The following RELCH variants were observed in gnomAD, a reference collection of about 807,000 sequenced individuals.
RELCH encodes the protein RAB11-binding protein RELCH.
Under a neutral mutation model 150.3 loss-of-function variants are expected in RELCH, and 41 were observed. The observed-to-expected ratio is 0.27, with a 90% CI of 0.21 to 0.35. The LOEUF is 0.35. RELCH is among the 10% of genes least tolerant of loss of function. The pLI, the probability that RELCH is intolerant of heterozygous loss-of-function variation, is 1.00. For synonymous variants in RELCH, 478 were observed against 531.8 expected (o/e 0.90, Z 1.39); for missense variants, 1,092 against 1,467.8 (o/e 0.74, Z 4.18).
At chr18:62,208,373 AT>A (rs1209763110) in intron 1 of RELCH, among the ~76,000 whole-genome samples, 3 of 143,116 alleles carry the variant, frequency 2.1e-5, no homozygotes, top group Non-Finnish European at 3.1e-5. Context: ...AAAAAAAAAA[AT>A]TTAATTCTGA....
At chr18:62,258,366 C>A in intron 14 of RELCH, 146 bp from the exon 15 acceptor site, 1 of 730,902 alleles carries the variant, frequency 1.4e-6, no homozygotes, top group Non-Finnish European at 2.2e-6. Context: ...TCAGTGGATA[C>A]ATGGCAAGGC....
At chr18:62,249,216 C>T (rs1042033398) in intron 11 of RELCH, among the ~76,000 whole-genome samples, 1 of 152,072 alleles carries the variant, frequency 6.6e-6, no homozygotes, top group East Asian at 1.9e-4. Context: ...TAAGAATGAA[C>T]TATGAAAGAT....
At position 62,221,203 on chromosome 18, in the gene RELCH, T is replaced by C. The variant is rs370122226; in HGVS notation, c.689-16T>C. ...ATGTAAAATAGTAAAATAGTACTTA[T>C]GTTTTTTTCCACCAGAACATGAAGT... On this transcript the variant is annotated splice_polypyrimidine_tract_variant and intron_variant, in intron 3 of 28. Coordinates refer to ENST00000644646, the MANE Select transcript of RELCH (RefSeq NM_001346231.2). The C allele has an allele frequency of 1.3e-4, 210 of 1,604,758 alleles. No homozygotes were observed. The Middle Eastern group carries it at 2.5e-3, about 19-fold the overall frequency.
intron 11 of RELCH, among the ~76,000 whole-genome samples, chr18:62,251,988 A>G (rs571811262): frequency 1.2e-4 from 18 of 151,584 alleles, no homozygotes; most frequent in African/African-American, 4.1e-4. Context: ...GCAAGGTATA[A>G]TTTTTTCTTT....
rs187032269 is a variant in RELCH at position 62,255,345 on chromosome 18, C to G, written c.1825-62C>G. ...ACAGGATTTGTGGTGAAATGTAATT[C>G]TCTTTTGAAGGAAGGGAGGGTATGC... On this transcript the variant is annotated intron_variant, in intron 12 of 28. Coordinates refer to ENST00000644646, the MANE Select transcript of RELCH (RefSeq NM_001346231.2). 111 of 1,089,338 alleles carry G rather than the reference C, an allele frequency of 1.0e-4. No individual in the cohort carries two copies. The East Asian group carries it at 2.4e-3, about 23-fold the overall frequency. The allele number at this position is 1,089,338 out of a possible 1,614,324, so 67.5% of individuals were successfully genotyped here.
chr18:62,298,520 G>T lies in RELCH; in HGVS notation c.3460-270G>T, dbSNP rs113273902. Among the ~76,000 whole-genome samples, 744 of 152,204 alleles carry T rather than the reference G, an allele frequency of 4.9e-3. 8 individuals carry two copies. Among genetic ancestry groups the T allele is most frequent in the African/African-American group, 0.017 (711 of 41,522 alleles). ...AATTTTACTTTTAACATTAGAAGAT[G>T]GTGAGTAAGCTAAGGGAGAATAGAA... On this transcript the variant is annotated intron_variant, in intron 27 of 28. Transcript: ENST00000644646.
In RELCH at chr18:62,244,766, G is replaced by A. The variant is rs762467753; in HGVS notation, c.1623G>A (p.Glu541=). The change falls in exon 11 of 29, where the codon GAG becomes GAA. Residue 541 remains glutamate, a splice_region_variant and synonymous_variant. Transcript: ENST00000644646. ...TTTCCACCCTCGTATTTCTTTAGGA[G>A]TTGATCCCCCTCATATTGTGTACAG... The part of the protein sequence containing the change: ...VPNVLLAKRE[E]LIPLILCTAC... 6.2e-7 allele frequency: 1 copy of A among 1,602,548 alleles called. No homozygotes were observed. Among genetic ancestry groups the A allele is most frequent in the Non-Finnish European group, 8.5e-7 (1 of 1,169,818 alleles).
chr18:62,277,887 A>G, intron 22 of RELCH: 1 of 932,956 alleles, frequency 1.1e-6, no homozygotes, highest in Non-Finnish European at 1.3e-6. Context: ...AAGGAAATTG[A>G]ACATGTAACA....
intron 11 of RELCH, among the ~76,000 whole-genome samples, chr18:62,249,994 A>G (rs754811851): frequency 1.3e-5 from 2 of 152,092 alleles, no homozygotes; most frequent in Non-Finnish European, 1.5e-5. Flanking sequence ...GCTTTCACCA[A>G]TTCTTTTCTA....
In RELCH at chr18:62,270,188, C is replaced by T. The variant is rs115526726; in HGVS notation, c.2760+1240C>T. On this transcript the variant is annotated intron_variant, in intron 20 of 28. Transcript: ENST00000644646. Reference sequence around the variant, plus strand: ...GCCAGACTTATCACATAGTGGCTAACGCCTCCCAAGAATGAAAAGGCAGAA... The same window carrying T: ...GCCAGACTTATCACATAGTGGCTAATGCCTCCCAAGAATGAAAAGGCAGAA... Among the ~76,000 whole-genome samples, 548 of 152,294 alleles carry T rather than the reference C, an allele frequency of 3.6e-3. 4 individuals carry two copies. Among genetic ancestry groups the T allele is most frequent in the African/African-American group, 0.013 (535 of 41,578 alleles).
rs1208044783 is a variant in RELCH, at chr18:62,306,588, C to T, written c.*1054C>T. ...TATAACTAGTTAGTTATCACCTCGT[C>T]CCTTAAAGTCAGTGACCTCCTGTGT... On this transcript the variant is annotated 3_prime_UTR_variant, in exon 29 of 29. Coordinates refer to ENST00000644646, the MANE Select transcript of RELCH (RefSeq NM_001346231.2). 6.6e-6 allele frequency: 1 copy of T among 152,548 alleles called. No individual in the cohort carries two copies. Among genetic ancestry groups the T allele is most frequent in the Admixed American group, 6.5e-5 (1 of 15,282 alleles). 9.4% of individuals were successfully genotyped at this position (152,548 alleles called of 1,614,324 possible).
At chr18:62,288,637 T>G (rs927534840) in intron 26 of RELCH, among the ~76,000 whole-genome samples, 4 of 152,140 alleles carry the variant, frequency 2.6e-5, no homozygotes, top group Non-Finnish European at 5.9e-5. Context: ...TGAGCCATGT[T>G]TTTTAAAATA....
chr18:62,263,310 C>T (rs1454614864), intron 16 of RELCH, among the ~76,000 whole-genome samples: 3 of 152,024 alleles, frequency 2.0e-5, no homozygotes, highest in Non-Finnish European at 4.4e-5. Context: ...TTAGATAGAA[C>T]AGTATCATCC....
intron 1 of RELCH, among the ~76,000 whole-genome samples, chr18:62,199,942 G>T (rs1568301589): frequency 6.6e-6 from 1 of 150,902 alleles, no homozygotes; most frequent in Non-Finnish European, 1.5e-5. Flanking sequence ...AAAATAAGTG[G>T]TCAAAAAGAA....
chr18:62,211,350 T>A, intron 2 of RELCH, 108 bp downstream of exon 2: 1 of 583,496 alleles, frequency 1.7e-6, no homozygotes, highest in Non-Finnish European at 3.0e-6. Context: ...CTATAACATA[T>A]ATAGTTATTA....
chr18:62,243,144 T>C (rs987131328), intron 10 of RELCH, among the ~76,000 whole-genome samples: 3 of 152,158 alleles, frequency 2.0e-5, no homozygotes, highest in Non-Finnish European at 2.9e-5. Flanking sequence ...GATGATGCAA[T>C]GTCTTAGTCG....
In RELCH at chr18:62,258,086, C is replaced by A. The variant is rs755491959; in HGVS notation, c.2035C>A (p.Gln679Lys). The change falls in exon 14 of 29, where the codon CAG (glutamine) becomes AAG (lysine). Residue 679 changes from glutamine to lysine, a missense_variant and splice_region_variant. By Grantham distance (53) the Gln-to-Lys change is moderately conservative. Transcript: ENST00000644646. ...CATTGATGATCCAGACAAATATCAT[C>A]AGGTATGTTTTTCAGAATGAACTGA... Reference protein sequence around the residue: ...GYIDDPDKYHQGFELLLSALG... With the variant: ...GYIDDPDKYHKGFELLLSALG... 2.2e-5 allele frequency: 35 copies of A among 1,595,968 alleles called. No homozygotes were observed. The highest frequency in any genetic ancestry group is 3.0e-5 in the Non-Finnish European group (35 of 1,172,260).
chr18:62,228,967 G>A (rs1047846678), intron 8 of RELCH, among the ~76,000 whole-genome samples: 3 of 151,934 alleles, frequency 2.0e-5, no homozygotes, highest in Non-Finnish European at 4.4e-5. Context: ...AGTTGCCTAT[G>A]TTAAAGAAGG....
chr18:62,257,249 CTT>C (rs145906864), intron 13 of RELCH, among the ~76,000 whole-genome samples: 24,684 of 152,018 alleles, frequency 0.16, 2,674 homozygotes, highest in Middle Eastern at 0.28. Flanking sequence ...CTAAAACACT[CTT>C]TATCATAACT....
Sources: allele counts gnomAD v4.1 joint callset (sites outside exome capture counted in the v4.1 genomes callset), GRCh38; gene constraint gnomAD v4.1.1; transcripts MANE v1.5; gene names NCBI Gene and HGNC (gene_info 2026-07-23, HGNC 2026-07-21).